Variants in ROCK2 observed in about 807,000 individuals in gnomAD.
ROCK2 encodes the protein Rho associated coiled-coil containing protein kinase 2.
In ROCK2, 61 loss-of-function variants were observed where a neutral mutation model predicts 195.1. The observed-to-expected ratio is 0.31, with a 90% CI of 0.25 to 0.39. ROCK2 has a LOEUF of 0.39. ROCK2 is among the 10% of genes least tolerant of loss of function. The pLI is 1.00. For missense variants in ROCK2, 1,109 were observed against 1,637.4 expected (o/e 0.68, Z 5.57); for synonymous variants, 504 against 545.5 (o/e 0.92, Z 1.06).
intron 1 of ROCK2, among the ~76,000 whole-genome samples, chr2:11,338,545 C>T (rs1455999089): frequency 1.3e-5 from 2 of 152,088 alleles, no homozygotes; most frequent in African/African-American, 4.8e-5. Context: ...AGATTACATG[C>T]AAATACTAAT....
intron 11 of ROCK2, 121 bp from the exon 12 acceptor site, chr2:11,217,290 T>G: frequency 1.3e-6 from 1 of 741,258 alleles, no homozygotes; most frequent in Non-Finnish European, 2.5e-6. Flanking sequence ...TCTATAATGG[T>G]ACAGTATTTG....
rs144539410 is a variant in ROCK2 at position 11,321,301 on chromosome 2, G to A, written c.141+22695C>T. 1.4e-3 allele frequency among the ~76,000 whole-genome samples: 217 copies of A among 151,930 alleles called. 1 individual carries two copies. The highest frequency in any genetic ancestry group is 2.2e-3 in the Non-Finnish European group (148 of 67,922). ...AGCGATTTTCGTGCCTCAGCCTCCC[G>A]AGTAGCTGGAACTACAGGTGCACGC... On this transcript the variant is annotated intron_variant, in intron 1 of 32. Coordinates refer to ENST00000315872, the MANE Select transcript of ROCK2 (RefSeq NM_004850.5).
intron 1 of ROCK2, among the ~76,000 whole-genome samples, chr2:11,294,973 G>A (rs1667466879): frequency 6.6e-6 from 1 of 151,830 alleles, no homozygotes; most frequent in Admixed American, 6.6e-5. Flanking sequence ...ATTTTTAGTA[G>A]AGACGGGGTT....
chr2:11,226,298 T>C (rs767362335), intron 6 of ROCK2, among the ~76,000 whole-genome samples: 1 of 152,192 alleles, frequency 6.6e-6, no homozygotes, highest in Non-Finnish European at 1.5e-5. Flanking sequence ...TAAAGAAAGT[T>C]TTGAAATACT....
intron 1 of ROCK2, among the ~76,000 whole-genome samples, chr2:11,294,328 C>G (rs1057342574): frequency 5.9e-5 from 9 of 152,158 alleles, no homozygotes; most frequent in African/African-American, 2.2e-4. Context: ...AATAAAGCAG[C>G]TGCTATTGCA....
chr2:11,307,094 A>G (rs1166191412), intron 1 of ROCK2, among the ~76,000 whole-genome samples: 1 of 152,214 alleles, frequency 6.6e-6, no homozygotes, highest in Admixed American at 6.5e-5. Flanking sequence ...ACTAACAACA[A>G]TGGTTTCAAT....
chr2:11,238,070 T>C (rs1348665537), intron 4 of ROCK2, among the ~76,000 whole-genome samples: 1 of 152,174 alleles, frequency 6.6e-6, no homozygotes, highest in Non-Finnish European at 1.5e-5. Flanking sequence ...AGAGTGAGAC[T>C]TTGACTAGCG....
intron 5 of ROCK2, chr2:11,234,054 A>G (rs1665117893): frequency 6.6e-6 from 1 of 152,202 alleles, no homozygotes; most frequent in Admixed American, 6.5e-5. Flanking sequence ...TGGCCGCTGC[A>G]CAAGCATAAC....
At chr2:11,222,464 C>T (rs1256807873) in intron 7 of ROCK2, among the ~76,000 whole-genome samples, 1 of 152,122 alleles carries the variant, frequency 6.6e-6, no homozygotes, top group Non-Finnish European at 1.5e-5. Flanking sequence ...TAAAAAAATT[C>T]ACCTGCATGT....
intron 5 of ROCK2, among the ~76,000 whole-genome samples, chr2:11,233,204 C>A (rs184920988): frequency 6.6e-6 from 1 of 152,208 alleles, no homozygotes; most frequent in East Asian, 1.9e-4. Flanking sequence ...ATAGAGGAGA[C>A]CGTGTCTACA....
In ROCK2 at chr2:11,180,207, T is replaced by C. The variant is rs1003934664; in HGVS notation, c.*3230A>G. On this transcript the variant is annotated 3_prime_UTR_variant, in exon 33 of 33. Transcript: ENST00000315872. The stretch of plus-strand genomic sequence containing the variant: ...AAAGCATGTTTCAGTAAGGTTAATA[T>C]AGTGTCCGAGTTTCTCTACTTTACC... 2 of 152,226 alleles carry C rather than the reference T, an allele frequency of 1.3e-5. No individual in the cohort carries two copies. The highest frequency in any genetic ancestry group is 2.4e-5 in the African/African-American group (1 of 41,456). 9.4% of individuals were successfully genotyped at this position (152,226 alleles called of 1,614,324 possible). A position where few individuals can be genotyped will look rare whatever the true frequency, so the allele number is the denominator to read the frequency against.
chr2:11,221,457 TAA>T (rs1664635157), intron 8 of ROCK2, 100 bp from the exon 9 acceptor site: 1 of 859,844 alleles, frequency 1.2e-6, no homozygotes, highest in Admixed American at 4.0e-5. Context: ...TAACACTATA[TAA>T]ATTTGTAGCA....
At chr2:11,215,130 T>C in intron 15 of ROCK2, 44 bp from the exon 16 acceptor site, 2 of 1,599,102 alleles carry the variant, frequency 1.3e-6, no homozygotes, top group Non-Finnish European at 1.7e-6. Flanking sequence ...CAAACACACA[T>C]GTATGTAATG....
chr2:11,317,261 GATTA>G (rs956992936), intron 1 of ROCK2, among the ~76,000 whole-genome samples: 3 of 151,690 alleles, frequency 2.0e-5, no homozygotes, highest in African/African-American at 4.8e-5. Flanking sequence ...CTCCTAAATA[GATTA>G]ATTTACCAAT....
intron 1 of ROCK2, among the ~76,000 whole-genome samples, chr2:11,342,384 T>C (rs1020547824): frequency 6.6e-6 from 1 of 152,150 alleles, no homozygotes; most frequent in African/African-American, 2.4e-5. Context: ...TGGAAAGCAA[T>C]AAAACAAAAT....
At chr2:11,277,325 A>G (rs1285724151) in intron 3 of ROCK2, among the ~76,000 whole-genome samples, 4 of 152,110 alleles carry the variant, frequency 2.6e-5, no homozygotes, top group African/African-American at 4.8e-5. Flanking sequence ...GGCAACCACC[A>G]ATCTTTTTTT....
At chr2:11,255,390 C>T (rs1266369358) in intron 3 of ROCK2, among the ~76,000 whole-genome samples, 2 of 150,640 alleles carry the variant, frequency 1.3e-5, no homozygotes, top group Non-Finnish European at 2.9e-5. Flanking sequence ...AGAGTCTCTA[C>T]CATACATCCA....
Position 11,249,661 on chromosome 2 carries a change from C to A in ROCK2, c.462G>T (p.Gln154His). The change falls in exon 4 of 33, where the codon CAG becomes CAT. Residue 154 changes from glutamine (Q) to histidine (H), a missense_variant and splice_region_variant. Around this residue, in one of 6 missense-constraint regions of ROCK2, gnomAD observed 253 missense variants for 455.5 expected, o/e 0.56. Transcript: ENST00000315872. ...MAFANSPWVV[Q>H]LFYAFQDDRY... The stretch of plus-strand genomic sequence containing the variant: ...AACTTATAAAAGTTAGTATGCTTAC[C>A]TGAACCACCCAGGGGCTATTGGCAA... 2 of 1,495,360 alleles carry A rather than the reference C, an allele frequency of 1.3e-6. No homozygotes were observed. The highest frequency in any genetic ancestry group is 1.8e-6 in the Non-Finnish European group (2 of 1,127,620). The allele number at this position is 1,495,360 out of a possible 1,614,324, so 92.6% of individuals were successfully genotyped here.
chr2:11,295,219 T>A (rs1356783300), intron 1 of ROCK2, among the ~76,000 whole-genome samples: 1 of 152,136 alleles, frequency 6.6e-6, no homozygotes, highest in Admixed American at 6.6e-5. Context: ...ACAGGCAATT[T>A]ACACACCTAT....
Sources: gnomAD v4.1 joint callset for allele counts (sites outside exome capture counted in the v4.1 genomes callset) on GRCh38, gnomAD v4.1.1 for gene constraint, gnomAD v4.1.1 regional missense constraint, MANE v1.5 for transcripts, NCBI Gene and HGNC (gene_info 2026-07-23, HGNC 2026-07-21) for gene names.